CUX1: variants seen among roughly 807,000 people sequenced by gnomAD.
The protein encoded by CUX1 is cut like homeobox 1, also known as protein CASP.
CUX1 carries 31 observed loss-of-function variants against 158.8 expected under a neutral mutation model. The ratio of observed to expected loss-of-function variants is 0.20; its 90% CI spans 0.15 to 0.26. The LOEUF is 0.26. CUX1 is among the 10% of genes least tolerant of loss of function. CUX1 has a pLI of 1.00. For missense variants in CUX1, 1,589 were observed against 2,014.6 expected (o/e 0.79, Z 4.04); for synonymous variants, 879 against 862.1 (o/e 1.02, Z -0.34).
chr7:102,216,857 A>C (rs1797272648), intron 20 of CUX1, among the ~76,000 whole-genome samples: 1 of 140,274 alleles, frequency 7.1e-6, no homozygotes, highest in Non-Finnish European at 1.5e-5. Flanking sequence ...TCTCCCTCAC[A>C]CACACATTCT....
chr7:102,008,251 C>T (rs538796091), intron 2 of CUX1, among the ~76,000 whole-genome samples: 4 of 152,236 alleles, frequency 2.6e-5, no homozygotes, highest in African/African-American at 7.2e-5. Context: ...AGCCTGTCCC[C>T]GCTGGCCCCC....
chr7:102,258,913 G>A (rs1054381812), downstream of CUX1, among the ~76,000 whole-genome samples: 18 of 152,278 alleles, frequency 1.2e-4, no homozygotes, highest in South Asian at 3.3e-3. Context: ...GCTGGAGGTG[G>A]GGGGAGAGCT....
rs1184344803 is a variant in CUX1 at position 102,197,289 on chromosome 7, C to A, written c.1878C>A (p.Ile626=). ...AGAACATCCTGGCCCTCCGTAGCAT[C>A]CAAGGCAGACAAAGAGGTGAGAGAC... is the stretch of plus-strand genomic sequence containing the variant. The part of the protein sequence containing the change: ...DEQNILALRS[I]QGRQRENPGQ... The change falls in exon 15 of 24, where the codon ATC becomes ATA. Residue 626 remains isoleucine, a synonymous_variant. Coordinates refer to ENST00000292535, the MANE Select transcript of CUX1 (RefSeq NM_181552.4). 5.0e-6 allele frequency: 8 copies of A among 1,611,966 alleles called. No homozygotes were observed. Among genetic ancestry groups the A allele is most frequent in the Non-Finnish European group, 6.8e-6 (8 of 1,178,354 alleles).
intron 8 of CUX1, among the ~76,000 whole-genome samples, chr7:102,137,499 G>A (rs1338441868): frequency 2.0e-5 from 3 of 152,194 alleles, no homozygotes; most frequent in Admixed American, 6.5e-5. Flanking sequence ...AGCCGGGCGT[G>A]GTGGTGGATG....
chr7:102,055,676 T>C (rs1824047390), intron 3 of CUX1, among the ~76,000 whole-genome samples: 1 of 152,158 alleles, frequency 6.6e-6, no homozygotes, highest in African/African-American at 2.4e-5. Context: ...AATATTGAAA[T>C]TAGGCAAATT....
At chr7:101,882,022 T>TA (rs71517195) in intron 1 of CUX1, among the ~76,000 whole-genome samples, 11 of 98,038 alleles carry the variant, frequency 1.1e-4, no homozygotes, top group South Asian at 3.6e-4. Context: ...TACCCAAAAA[T>TA]AAAAAAAAAA....
At chr7:102,089,237 T>C (rs1202285910) in intron 4 of CUX1, among the ~76,000 whole-genome samples, 1 of 152,234 alleles carries the variant, frequency 6.6e-6, no homozygotes, top group Non-Finnish European at 1.5e-5. Flanking sequence ...CTTTAAATCC[T>C]TGGACATGCT....
In CUX1 at chr7:102,202,216, G is replaced by T; in HGVS notation, c.2907+12G>T. ...TCTTCGGGGAGAAGGTAAGGGATCT[G>T]CTCTGGGGGCTTTGGTTCTCCCATC... On this transcript the variant is annotated intron_variant, in intron 18 of 23. Transcript: ENST00000292535. The T allele has an allele frequency of 1.9e-6, 3 of 1,575,038 alleles. No homozygotes were observed. Among genetic ancestry groups the T allele is most frequent in the Non-Finnish European group, 2.6e-6 (3 of 1,158,806 alleles).
intron 13 of CUX1, among the ~76,000 whole-genome samples, chr7:102,194,885 G>A (rs1279445014): frequency 4.0e-5 from 6 of 151,628 alleles, no homozygotes; most frequent in East Asian, 3.9e-4. Context: ...TTAGCTGAGC[G>A]TGGTGGCGCA....
intron 1 of CUX1, among the ~76,000 whole-genome samples, chr7:101,837,715 C>T (rs1381130684): frequency 1.3e-5 from 2 of 151,124 alleles, no homozygotes; most frequent in Admixed American, 6.6e-5. Flanking sequence ...CCTGTGTTCC[C>T]AGCTACTCAG....
At chr7:102,157,674 G>A (rs1789923946) in intron 8 of CUX1, among the ~76,000 whole-genome samples, 1 of 152,128 alleles carries the variant, frequency 6.6e-6, no homozygotes, top group Admixed American at 6.5e-5. Flanking sequence ...CAGCTACTCG[G>A]GAGGCTGAGG....
intron 2 of CUX1, among the ~76,000 whole-genome samples, chr7:102,006,846 C>T (rs935326132): frequency 1.3e-5 from 2 of 152,254 alleles, no homozygotes; most frequent in Non-Finnish European, 2.9e-5. Context: ...GGGGCTGCTC[C>T]ATGCTGGGCG....
chr7:101,929,921 A>G (rs1192531154), intron 2 of CUX1, among the ~76,000 whole-genome samples: 1 of 151,988 alleles, frequency 6.6e-6, no homozygotes, highest in Non-Finnish European at 1.5e-5. Context: ...GGCTCACTGC[A>G]ACTTCTACCT....
At chr7:102,105,988 G>A (rs1585700263) in intron 6 of CUX1, among the ~76,000 whole-genome samples, 1 of 152,012 alleles carries the variant, frequency 6.6e-6, no homozygotes, top group East Asian at 1.9e-4. Context: ...TACAGGTAAG[G>A]GGCCAAGTGG....
At chr7:102,236,909 C>T (rs1799632026) in intron 22 of CUX1, among the ~76,000 whole-genome samples, 1 of 152,200 alleles carries the variant, frequency 6.6e-6, no homozygotes, top group Non-Finnish European at 1.5e-5. Flanking sequence ...TCTGCGGGGC[C>T]CAGACCTTTC....
At chr7:101,950,905 T>C (rs1459747592) in intron 2 of CUX1, among the ~76,000 whole-genome samples, 3 of 152,160 alleles carry the variant, frequency 2.0e-5, no homozygotes, top group Non-Finnish European at 4.4e-5. Flanking sequence ...GTGCACACTC[T>C]CCTTACTTCT....
At chr7:102,141,579 AT>A (rs1250340406) in intron 8 of CUX1, among the ~76,000 whole-genome samples, 3 of 151,692 alleles carry the variant, frequency 2.0e-5, no homozygotes, top group South Asian at 2.1e-4. Context: ...GCAATCAGAA[AT>A]TTTTTTTATT....
At chr7:101,898,222 C>T (rs977054596) in intron 1 of CUX1, among the ~76,000 whole-genome samples, 1 of 152,126 alleles carries the variant, frequency 6.6e-6, no homozygotes, top group African/African-American at 2.4e-5. Flanking sequence ...TCAAGTAGTA[C>T]ATATTTGAGA....
intron 2 of CUX1, among the ~76,000 whole-genome samples, chr7:101,959,842 T>G (rs373815926): frequency 1.2e-4 from 19 of 152,212 alleles, no homozygotes; most frequent in African/African-American, 4.3e-4. Flanking sequence ...TGGTACAACC[T>G]GTGGACCCTT....
Sources: allele counts gnomAD v4.1 joint callset (sites outside exome capture counted in the v4.1 genomes callset), GRCh38; gene constraint gnomAD v4.1.1; transcripts MANE v1.5; gene names NCBI Gene and HGNC (gene_info 2026-07-23, HGNC 2026-07-21).